The following ZNF385D variants were observed in gnomAD, a reference collection of about 807,000 sequenced individuals.
The protein encoded by ZNF385D is zinc finger protein 385D.
In ZNF385D, 15 loss-of-function variants were observed where a neutral mutation model predicts 35.8. That is an observed-to-expected ratio of 0.42 (90% confidence interval 0.28 to 0.64). The LOEUF (loss-of-function observed/expected upper bound fraction) is 0.64. Ranked by LOEUF, ZNF385D falls within the 30% of genes least tolerant of loss-of-function variation. ZNF385D has a pLI of 0.23. For missense variants in ZNF385D, 474 were observed against 494.6 expected (o/e 0.96, Z 0.39); for synonymous variants, 212 against 186.8 (o/e 1.13, Z -1.10).
intron 3 of ZNF385D, among the ~76,000 whole-genome samples, chr3:22,110,707 G>A (rs1287534626): frequency 2.0e-5 from 3 of 151,740 alleles, no homozygotes; most frequent in Non-Finnish European, 4.4e-5. Flanking sequence ...GTTAATGGGT[G>A]CAGCACACCA....
Position 22,186,639 on chromosome 3 carries a change from C to A in ZNF385D, c.107-17604G>T, listed in dbSNP as rs566763699. On this transcript the variant is annotated intron_variant, in intron 2 of 5. Coordinates refer to the ZNF385D transcript ENST00000494108. ...TATACAAGGGGCAAATGAGCTGGGT[C>A]ATAAGAATTTGATATATTTTTGGTC... Among the ~76,000 whole-genome samples the A allele has an allele frequency of 1.6e-3, 236 of 152,126 alleles. 1 individual carries two copies. The highest frequency in any genetic ancestry group is 5.3e-3 in the African/African-American group (219 of 41,528).
chr3:21,571,216 A>AAAAGCAGG (rs1559417996), intron 2 of ZNF385D, among the ~76,000 whole-genome samples: 8 of 152,206 alleles, frequency 5.3e-5, no homozygotes, highest in Non-Finnish European at 8.8e-5. Context: ...TTTGCACTTC[A>AAAAGCAGG]TAAAAATATA....
chr3:21,842,889 T>C (rs1243452022), intron 3 of ZNF385D, among the ~76,000 whole-genome samples: 1 of 152,078 alleles, frequency 6.6e-6, no homozygotes. Flanking sequence ...TTATGTCAAA[T>C]AAATGGTAAT....
chr3:21,443,064 T>C, intron 4 of ZNF385D: 2 of 917,822 alleles, frequency 2.2e-6, no homozygotes, highest in Non-Finnish European at 2.6e-6. Context: ...CTCACTCCCG[T>C]CTGCTAGAGT....
intron 1 of ZNF385D, among the ~76,000 whole-genome samples, chr3:21,727,274 A>C (rs2068805679): frequency 1.3e-5 from 2 of 152,222 alleles, no homozygotes; most frequent in Non-Finnish European, 2.9e-5. Context: ...CAAAGAATTT[A>C]TGTCCAAAAC....
At chr3:21,451,241 A>G (rs898756748) in intron 4 of ZNF385D, among the ~76,000 whole-genome samples, 12 of 152,140 alleles carry the variant, frequency 7.9e-5, no homozygotes, top group Admixed American at 5.9e-4. Flanking sequence ...TTTCTATTGA[A>G]GAATATATCC....
intron 2 of ZNF385D, among the ~76,000 whole-genome samples, chr3:22,367,413 G>C (rs111698183): frequency 0.011 from 1,660 of 152,216 alleles, 26 homozygotes; most frequent in African/African-American, 0.038. Context: ...TTGATGTCAA[G>C]TTTTACTGTG....
intron 3 of ZNF385D, among the ~76,000 whole-genome samples, chr3:22,012,051 T>C (rs1411041756): frequency 6.6e-6 from 1 of 152,150 alleles, no homozygotes; most frequent in Non-Finnish European, 1.5e-5. Context: ...TAGGGAATTA[T>C]ATCAACTTTG....
intron 2 of ZNF385D, among the ~76,000 whole-genome samples, chr3:22,311,089 C>G (rs897877278): frequency 1.3e-5 from 2 of 151,108 alleles, no homozygotes; most frequent in Non-Finnish European, 3.0e-5. Context: ...TTGTAATAGG[C>G]AATAGAGAAG....
At chr3:22,026,406 G>T (rs1409306616) in intron 3 of ZNF385D, among the ~76,000 whole-genome samples, 1 of 152,138 alleles carries the variant, frequency 6.6e-6, no homozygotes, top group Non-Finnish European at 1.5e-5. Context: ...TAACTGCATT[G>T]GGGAAAGGGA....
intron 3 of ZNF385D, among the ~76,000 whole-genome samples, chr3:21,973,059 C>A (rs1231491580): frequency 6.6e-6 from 1 of 151,898 alleles, no homozygotes; most frequent in Admixed American, 6.6e-5. Context: ...CTTCCAAACT[C>A]ATTCTATGAG....
At chr3:22,300,062 A>G (rs1325880944) in intron 2 of ZNF385D, among the ~76,000 whole-genome samples, 1 of 152,002 alleles carries the variant, frequency 6.6e-6, no homozygotes, top group South Asian at 2.1e-4. Context: ...AAAATATACT[A>G]TAAAGCTATA....
Position 21,437,708 on chromosome 3 carries a change from A to AAAAAAAAC in ZNF385D, c.440-506_440-505insGTTTTTTT, listed in dbSNP as rs1209798351. Reference sequence around the variant, plus strand: ...CTTTTGCAAATGCTTATACAAAAAAAAAAAAAAAAAACCGGAACCCTGATG... The same window carrying AAAAAAAAC: ...CTTTTGCAAATGCTTATACAAAAAAAAAAAAAACAAAAAAAAAAACCGGAACCCTGATG... On this transcript the variant is annotated intron_variant, in intron 4 of 7. Coordinates refer to ENST00000281523, the MANE Select transcript of ZNF385D (RefSeq NM_024697.3). Among the ~76,000 whole-genome samples the AAAAAAAAC allele has an allele frequency of 5.5e-4, 60 of 109,016 alleles. 1 individual carries two copies. Among genetic ancestry groups the AAAAAAAAC allele is most frequent in the Admixed American group, 3.6e-3 (39 of 10,940 alleles). The allele number at this position is 109,016 out of a possible 152,430, so 71.5% of individuals were successfully genotyped here. A position where few individuals can be genotyped will look rare whatever the true frequency, so the allele number is the denominator to read the frequency against.
chr3:21,426,969 A>G (rs894899424), intron 5 of ZNF385D, among the ~76,000 whole-genome samples: 1 of 152,176 alleles, frequency 6.6e-6, no homozygotes, highest in Admixed American at 6.5e-5. Context: ...TCTTATTAAA[A>G]TGTTCATATT....
intron 2 of ZNF385D, among the ~76,000 whole-genome samples, chr3:22,318,567 GA>G (rs1227031544): frequency 1.3e-5 from 2 of 152,160 alleles, no homozygotes; most frequent in Non-Finnish European, 2.9e-5. Context: ...AGCGCTTAGT[GA>G]ATTGGTGGTC....
At chr3:22,089,854 T>G (rs1453828273) in intron 3 of ZNF385D, among the ~76,000 whole-genome samples, 1 of 152,180 alleles carries the variant, frequency 6.6e-6, no homozygotes, top group African/African-American at 2.4e-5. Context: ...TTATTTTATT[T>G]GAGATGGAGT....
chr3:22,350,792 T>C (rs1695881258), intron 2 of ZNF385D, among the ~76,000 whole-genome samples: 1 of 152,104 alleles, frequency 6.6e-6, no homozygotes, highest in African/African-American at 2.4e-5. Flanking sequence ...TCTGTGGCAC[T>C]AAAACCATAG....
chr3:22,322,755 T>G (rs552963044), intron 2 of ZNF385D, among the ~76,000 whole-genome samples: 2 of 152,336 alleles, frequency 1.3e-5, no homozygotes, highest in South Asian at 4.1e-4. Flanking sequence ...GTTTCTACCT[T>G]TCATTTCTTC....
At chr3:21,534,197 G>A (rs1559379985) in intron 3 of ZNF385D, among the ~76,000 whole-genome samples, 1 of 151,718 alleles carries the variant, frequency 6.6e-6, no homozygotes, top group Non-Finnish European at 1.5e-5. Flanking sequence ...CCTAATCCAA[G>A]TCCTTTATCT....
Sources: gnomAD v4.1 joint callset for allele counts (sites outside exome capture counted in the v4.1 genomes callset) on GRCh38, gnomAD v4.1.1 for gene constraint, MANE v1.5 for transcripts, NCBI Gene and HGNC (gene_info 2026-07-23, HGNC 2026-07-21) for gene names.